CC2D2A: variants seen among roughly 807,000 people sequenced by gnomAD.
The protein encoded by CC2D2A is coiled-coil and C2 domain-containing protein 2A.
A neutral mutation model predicts 212.9 loss-of-function variants in CC2D2A; 155 were observed. The ratio of observed to expected loss-of-function variants is 0.73; its 90% CI spans 0.64 to 0.83. The LOEUF is 0.83. CC2D2A is among the 40% of genes least tolerant of loss of function. The pLI, the probability that CC2D2A is intolerant of heterozygous loss-of-function variation, is 0.00. For synonymous variants in CC2D2A, 667 were observed against 686.5 expected (o/e 0.97, Z 0.44); for missense variants, 1,856 against 1,956.2 (o/e 0.95, Z 0.97).
At chr4:15,564,884 C>T (rs1719811843) in intron 24 of CC2D2A, among the ~76,000 whole-genome samples, 1 of 151,998 alleles carries the variant, frequency 6.6e-6, no homozygotes, top group South Asian at 2.1e-4. Flanking sequence ...CCCATTTTGC[C>T]CAGGGTGGTC....
chr4:15,558,211 A>T (rs1026671289), intron 21 of CC2D2A, among the ~76,000 whole-genome samples: 10 of 152,114 alleles, frequency 6.6e-5, no homozygotes, highest in Admixed American at 2.6e-4. Flanking sequence ...ATTAATACTT[A>T]ACAAGGTAAA....
At chr4:15,572,155 A>G (rs1043885207) in intron 28 of CC2D2A, among the ~76,000 whole-genome samples, 3 of 152,196 alleles carry the variant, frequency 2.0e-5, no homozygotes, top group African/African-American at 7.2e-5. Context: ...GGTGCATATT[A>G]TATGTTATTG....
chr4:15,587,948 C>G lies in CC2D2A; in HGVS notation c.4179+19C>G, dbSNP rs758452526. Reference sequence around the variant, plus strand: ...TCCTGAGGTAAGACCACATAGGCTGCCTTTAACAGAGGAGTATAGTTGTCT... The same window carrying G: ...TCCTGAGGTAAGACCACATAGGCTGGCTTTAACAGAGGAGTATAGTTGTCT... On this transcript the variant is annotated intron_variant, in intron 32 of 36. Transcript: ENST00000424120. 17 of 1,393,360 alleles carry G rather than the reference C, an allele frequency of 1.2e-5. No homozygotes were observed. In the South Asian group the frequency reaches 2.0e-4, roughly 16 times the overall value. The allele number at this position is 1,393,360 out of a possible 1,614,324, so 86.3% of individuals were successfully genotyped here. A position where few individuals can be genotyped will look rare whatever the true frequency, so the allele number is the denominator to read the frequency against.
At chr4:15,541,763 C>T (rs954403924) in intron 17 of CC2D2A, among the ~76,000 whole-genome samples, 5 of 152,170 alleles carry the variant, frequency 3.3e-5, no homozygotes, top group African/African-American at 1.2e-4. Context: ...AATCTCCTCA[C>T]TAGCCTAAAT....
intron 13 of CC2D2A, among the ~76,000 whole-genome samples, chr4:15,529,691 TA>T (rs1447530917): frequency 2.0e-5 from 3 of 151,714 alleles, no homozygotes; most frequent in Admixed American, 6.6e-5. Flanking sequence ...ATTTTTATTC[TA>T]TTTTTTATTA....
At chr4:15,542,733 T>C (rs994390572) in intron 17 of CC2D2A, among the ~76,000 whole-genome samples, 2 of 152,146 alleles carry the variant, frequency 1.3e-5, no homozygotes, top group African/African-American at 2.4e-5. Context: ...CTTACCACAA[T>C]TGACCAATTA....
At chr4:15,549,596 A>G (rs2109048588) in intron 17 of CC2D2A, among the ~76,000 whole-genome samples, 1 of 152,306 alleles carries the variant, frequency 6.6e-6, no homozygotes, top group African/African-American at 2.4e-5. Context: ...TGAGGTCAGG[A>G]GTTTGAGACC....
chr4:15,599,402 G>A, intron 35 of CC2D2A, 127 bp from the exon 36 acceptor site: 1 of 602,880 alleles, frequency 1.7e-6, no homozygotes, highest in Non-Finnish European at 2.9e-6. Context: ...ACTATGCCTG[G>A]ATAATCACAA....
chr4:15,578,561 G>T (rs1222886725), intron 29 of CC2D2A, among the ~76,000 whole-genome samples: 1 of 152,206 alleles, frequency 6.6e-6, no homozygotes, highest in African/African-American at 2.4e-5. Flanking sequence ...TTGTGGGAAA[G>T]ACTGAGAAAA....
intron 6 of CC2D2A, among the ~76,000 whole-genome samples, chr4:15,505,091 G>A (rs748715761): frequency 2.0e-5 from 3 of 152,176 alleles, no homozygotes; most frequent in Non-Finnish European, 2.9e-5. Context: ...ACATGTTACA[G>A]TGTTTCACAT....
chr4:15,513,416 G>T (rs1156609349), intron 8 of CC2D2A, among the ~76,000 whole-genome samples: 7 of 152,212 alleles, frequency 4.6e-5, no homozygotes, highest in African/African-American at 1.7e-4. Flanking sequence ...GAAGATAGAA[G>T]TCTCCAATTG....
intron 30 of CC2D2A, among the ~76,000 whole-genome samples, chr4:15,581,932 A>G (rs1720681249): frequency 6.6e-6 from 1 of 152,248 alleles, no homozygotes; most frequent in African/African-American, 2.4e-5. Flanking sequence ...ATGAAAGATC[A>G]TCAATGAAGA....
At chr4:15,546,422 C>T (rs1396326529) in intron 17 of CC2D2A, among the ~76,000 whole-genome samples, 1 of 152,144 alleles carries the variant, frequency 6.6e-6, no homozygotes, top group Non-Finnish European at 1.5e-5. Flanking sequence ...CCTTATTAGT[C>T]AATCCTGTTA....
At chr4:15,560,476 G>A (rs1577376910) in intron 22 of CC2D2A, 55 bp from the exon 23 acceptor site, 1 of 900,648 alleles carries the variant, frequency 1.1e-6, no homozygotes, top group East Asian at 2.6e-5. Context: ...AGTGTGGAGA[G>A]TGAACTACGA....
chr4:15,472,842 T>A (rs116152416), intron 1 of CC2D2A, among the ~76,000 whole-genome samples: 1 of 152,188 alleles, frequency 6.6e-6, no homozygotes, highest in Non-Finnish European at 1.5e-5. Flanking sequence ...GAGAAGACAA[T>A]AGAATTTCAG....
intron 24 of CC2D2A, among the ~76,000 whole-genome samples, chr4:15,566,904 G>A (rs1468441940): frequency 1.3e-5 from 2 of 152,100 alleles, no homozygotes; most frequent in African/African-American, 2.4e-5. Flanking sequence ...GAGCCTGGGA[G>A]GTTGAGGCTG....
intron 17 of CC2D2A, among the ~76,000 whole-genome samples, chr4:15,542,453 C>G (rs371939443): frequency 2.4e-4 from 36 of 152,292 alleles, no homozygotes; most frequent in African/African-American, 7.7e-4. Flanking sequence ...CCTCCACCAC[C>G]CTTGCCAGAA....
At chr4:15,565,898 C>T (rs979731401) in intron 24 of CC2D2A, among the ~76,000 whole-genome samples, 1 of 152,182 alleles carries the variant, frequency 6.6e-6, no homozygotes, top group African/African-American at 2.4e-5. Context: ...AGGCATGAAC[C>T]ATTGCATCCA....
At chr4:15,542,783 G>A (rs565439924) in intron 17 of CC2D2A, among the ~76,000 whole-genome samples, 1 of 152,186 alleles carries the variant, frequency 6.6e-6, no homozygotes, top group South Asian at 2.1e-4. Context: ...CCAGGGTCCT[G>A]TTCCCAAGCT....
Sources: allele counts gnomAD v4.1 joint callset (sites outside exome capture counted in the v4.1 genomes callset), GRCh38; gene constraint gnomAD v4.1.1; transcripts MANE v1.5; gene names NCBI Gene and HGNC (gene_info 2026-07-23, HGNC 2026-07-21).